TOP2B: variants seen among roughly 807,000 people sequenced by gnomAD.
The protein encoded by TOP2B is DNA topoisomerase II beta, also known as DNA topoisomerase 2-beta.
TOP2B carries 51 observed loss-of-function variants against 193.5 expected under a neutral mutation model. The observed-to-expected ratio is 0.26, with a 90% CI of 0.21 to 0.33. The LOEUF is 0.33. Among genes scored for constraint, TOP2B ranks in the 10% least tolerant of loss-of-function variants. The probability of loss-of-function intolerance (pLI) is 1.00; values close to 1 mark genes in which losing one functional copy is unlikely to be tolerated. For synonymous variants in TOP2B, 634 were observed against 635.7 expected, an observed-to-expected ratio of 1.00 and a Z score of 0.04; for missense variants, 1,378 against 1,909.3, an observed-to-expected ratio of 0.72 and a Z score of 5.19.
Position 25,601,173 on chromosome 3 carries a change from C to G in TOP2B, c.4542G>C (p.Lys1514Asn). ...CAGAGTTTACAGCCTCTACTACTTT[C>G]TTCTGTTTTGGGGCTCTCTTGGGCT... ...VPKPKRAPKQ[K>N]KVVEAVNSDS... Residue 1514 changes from lysine to asparagine, a missense_variant, in exon 34 of 36, where the codon AAG (lysine) becomes AAC (asparagine). Transcript: ENST00000264331. The G allele has an allele frequency of 6.2e-7, 1 of 1,613,786 alleles. No homozygotes were observed. The highest frequency in any genetic ancestry group is 1.1e-5 in the South Asian group (1 of 91,062).
intron 13 of TOP2B, 140 bp downstream of exon 13, chr3:25,629,889 A>G: frequency 1.2e-6 from 1 of 858,382 alleles, no homozygotes. Context: ...CCACTAAATG[A>G]CGTGGTTTTT....
intron 7 of TOP2B, 96 bp downstream of exon 7, chr3:25,635,840 A>G: frequency 2.0e-6 from 2 of 988,158 alleles, no homozygotes; most frequent in Non-Finnish European, 3.0e-6. Flanking sequence ...ACACACCAGT[A>G]AAAGAGACTA....
intron 4 of TOP2B, among the ~76,000 whole-genome samples, chr3:25,641,017 A>G (rs1489477744): frequency 6.6e-6 from 1 of 152,134 alleles, no homozygotes; most frequent in African/African-American, 2.4e-5. Flanking sequence ...CCTGGGCTCA[A>G]GGGATCTGCC....
At chr3:25,657,124 T>C (rs762514503) in intron 1 of TOP2B, among the ~76,000 whole-genome samples, 5 of 152,238 alleles carry the variant, frequency 3.3e-5, no homozygotes, top group Non-Finnish European at 5.9e-5. Context: ...ACTGGCTCAC[T>C]AGTGGCAAAC....
chr3:25,640,561 C>G (rs1406267470), intron 4 of TOP2B, among the ~76,000 whole-genome samples: 2 of 151,998 alleles, frequency 1.3e-5, no homozygotes, highest in African/African-American at 4.8e-5. Flanking sequence ...AATTTTCCCT[C>G]CCTCTTCTGC....
intron 23 of TOP2B, among the ~76,000 whole-genome samples, chr3:25,619,183 A>G (rs1019385063): frequency 3.9e-5 from 6 of 152,294 alleles, no homozygotes; most frequent in African/African-American, 1.4e-4. Flanking sequence ...GAAAACATAC[A>G]TATTCTATTG....
intron 25 of TOP2B, 174 bp from the exon 26 acceptor site, chr3:25,615,760 T>G: frequency 2.1e-6 from 1 of 483,358 alleles, no homozygotes. Context: ...ATAAAAAGTT[T>G]AAAATTTTCT....
chr3:25,635,964 T>A lies in TOP2B; in HGVS notation c.824A>T (p.Lys275Met). 1 of 1,613,264 alleles carries A rather than the reference T, an allele frequency of 6.2e-7. No homozygotes were observed. Among genetic ancestry groups the A allele is most frequent in the Non-Finnish European group, 8.5e-7 (1 of 1,179,396 alleles). ...YDLAGSCRGV[K>M]VMFNGKKLPV... ...CAATTTCTTTCCATTAAACATGACC[T>A]TGACCCCTCTACACGAACCAGCCAA... The change falls in exon 7 of 36, where the codon AAG (lysine) becomes ATG (methionine). Residue 275 changes from lysine (K) to methionine (M), a missense_variant. By Grantham distance (95) the Lys-to-Met change is moderately conservative. Around this residue, in one of 9 missense-constraint regions of TOP2B, gnomAD observed 222 missense variants for 306.6 expected, o/e 0.72. Coordinates refer to ENST00000264331, the MANE Select transcript of TOP2B (RefSeq NM_001330700.2).
At chr3:25,623,803 T>C in intron 20 of TOP2B, 57 bp from the exon 21 acceptor site, 2 of 1,124,628 alleles carry the variant, frequency 1.8e-6, no homozygotes, top group African/African-American at 1.6e-5. Flanking sequence ...GAAAGAAAAC[T>C]TTATACATAA....
intron 34 of TOP2B, among the ~76,000 whole-genome samples, chr3:25,599,838 A>G (rs1489518309): frequency 6.6e-6 from 1 of 152,252 alleles, no homozygotes; most frequent in African/African-American, 2.4e-5. Context: ...AAAAGGAAAT[A>G]TCTTGGAAGA....
intron 7 of TOP2B, among the ~76,000 whole-genome samples, chr3:25,634,988 A>T (rs572018244): frequency 6.6e-6 from 1 of 152,028 alleles, no homozygotes; most frequent in Non-Finnish European, 1.5e-5. Flanking sequence ...AAAGACTGGG[A>T]TGTAATGAGA....
intron 23 of TOP2B, among the ~76,000 whole-genome samples, chr3:25,619,136 CA>C (rs1702589155): frequency 6.6e-6 from 1 of 152,064 alleles, no homozygotes; most frequent in Non-Finnish European, 1.5e-5. Context: ...TTAAAGTAAC[CA>C]TAAAACCACC....
At chr3:25,636,796 A>G (rs915789216) in intron 6 of TOP2B, among the ~76,000 whole-genome samples, 1 of 152,064 alleles carries the variant, frequency 6.6e-6, no homozygotes, top group African/African-American at 2.4e-5. Flanking sequence ...AAGAAAATTT[A>G]AAATAAAAAT....
chr3:25,657,929 C>T (rs1432432181), intron 1 of TOP2B, among the ~76,000 whole-genome samples: 2 of 141,434 alleles, frequency 1.4e-5, no homozygotes, highest in African/African-American at 5.8e-5. Context: ...GGCGTAGTGG[C>T]GGGCGCCTGT....
chr3:25,602,591 C>T (rs1236034048), intron 33 of TOP2B, among the ~76,000 whole-genome samples: 1 of 151,856 alleles, frequency 6.6e-6, no homozygotes, highest in South Asian at 2.1e-4. Flanking sequence ...TAGCCAAGAG[C>T]AGGAGGAGCC....
intron 15 of TOP2B, among the ~76,000 whole-genome samples, chr3:25,628,546 CA>C (rs1702869893): frequency 6.6e-6 from 1 of 152,108 alleles, no homozygotes; most frequent in Non-Finnish European, 1.5e-5. Context: ...TTCAGAAATA[CA>C]TACTGAAGTA....
intron 35 of TOP2B, 59 bp downstream of exon 35, chr3:25,599,376 C>CACTT (rs1702025376): frequency 6.6e-7 from 1 of 1,524,832 alleles, no homozygotes; most frequent in Non-Finnish European, 9.0e-7. Flanking sequence ...CAAACTAAGT[C>CACTT]ACTTACAGAT....
At chr3:25,619,739 A>G (rs1049294269) in intron 23 of TOP2B, 123 bp downstream of exon 23, 48 of 129,612 alleles carry the variant, frequency 3.7e-4, no homozygotes, top group Middle Eastern at 3.8e-3. Flanking sequence ...GCAGGATGGG[A>G]AAAAAAAAAA....
intron 3 of TOP2B, among the ~76,000 whole-genome samples, chr3:25,642,749 T>C (rs1203116375): frequency 1.3e-5 from 2 of 152,178 alleles, no homozygotes; most frequent in Non-Finnish European, 2.9e-5. Flanking sequence ...AGCAATTGCA[T>C]TCTATTGATC....
Sources: gnomAD v4.1 joint callset for allele counts (sites outside exome capture counted in the v4.1 genomes callset) on GRCh38, gnomAD v4.1.1 for gene constraint, gnomAD v4.1.1 regional missense constraint, MANE v1.5 for transcripts, NCBI Gene and HGNC (gene_info 2026-07-23, HGNC 2026-07-21) for gene names.